Variants in EML4 observed in about 807,000 individuals in gnomAD.
EML4 encodes the protein echinoderm microtubule-associated protein-like 4.
EML4 carries 72 observed loss-of-function variants against 129.0 expected under a neutral mutation model. That is an observed-to-expected ratio of 0.56 (90% confidence interval 0.46 to 0.68). The LOEUF (loss-of-function observed/expected upper bound fraction) is 0.68. Among genes scored for constraint, EML4 ranks in the 30% least tolerant of loss-of-function variants. The pLI, the probability that EML4 is intolerant of heterozygous loss-of-function variation, is 0.00. For synonymous variants in EML4, 532 were observed against 405.0 expected, an observed-to-expected ratio of 1.31 and a Z score of -3.77; for missense variants, 1,363 against 1,190.6, an observed-to-expected ratio of 1.14 and a Z score of -2.13.
At chr2:42,324,616 C>T (rs1175242889) in intron 19 of EML4, among the ~76,000 whole-genome samples, 3 of 151,594 alleles carry the variant, frequency 2.0e-5, no homozygotes, top group Non-Finnish European at 4.4e-5. Context: ...GAGACCCTGT[C>T]TCAAAAAAAA....
chr2:42,207,110 T>C (rs561786414), intron 1 of EML4, among the ~76,000 whole-genome samples: 1 of 152,326 alleles, frequency 6.6e-6, no homozygotes, highest in South Asian at 2.1e-4. Context: ...TGTAGAAATA[T>C]GTCAGCGTGA....
intron 1 of EML4, among the ~76,000 whole-genome samples, chr2:42,219,290 T>G (rs1439991034): frequency 6.6e-6 from 1 of 152,178 alleles, no homozygotes; most frequent in Non-Finnish European, 1.5e-5. Context: ...AAATACAGTA[T>G]TCCAGGGATG....
intron 1 of EML4, among the ~76,000 whole-genome samples, chr2:42,219,082 T>C (rs1423412801): frequency 5.9e-5 from 9 of 152,228 alleles, no homozygotes; most frequent in African/African-American, 2.2e-4. Context: ...TACACACCAA[T>C]GACTCTTGGC....
chr2:42,225,974 A>T (rs1024486193), intron 1 of EML4, among the ~76,000 whole-genome samples: 6 of 152,150 alleles, frequency 3.9e-5, no homozygotes, highest in African/African-American at 1.4e-4. Flanking sequence ...ACATCTAAAA[A>T]TTTGTTTTAT....
intron 1 of EML4, among the ~76,000 whole-genome samples, chr2:42,204,186 C>T (rs1369415940): frequency 1.3e-5 from 2 of 152,162 alleles, no homozygotes; most frequent in Non-Finnish European, 2.9e-5. Flanking sequence ...TCCCAAAGTG[C>T]TGTAATTACA....
In EML4 at chr2:42,329,933, G is replaced by A. The variant is rs906593438; in HGVS notation, c.2672G>A (p.Ser891Asn). Residue 891 changes from serine (S) to asparagine (N), a missense_variant, in exon 23 of 23, where the codon AGT becomes AAT. By Grantham distance (46) the Ser-to-Asn change is conservative. Transcript: ENST00000318522. ...AAAGCCCCCGTCTCTTCCACTGAAAGTGTCATCCAATCTAATACTCCCACA... is the reference window on the plus strand; with the variant it reads ...AAAGCCCCCGTCTCTTCCACTGAAAATGTCATCCAATCTAATACTCCCACA... The part of the protein sequence containing the change: ...LTKAPVSSTE[S>N]VIQSNTPTPP... 10 of 1,614,024 alleles carry A rather than the reference G, an allele frequency of 6.2e-6. No homozygotes were observed. The South Asian group carries it at 9.9e-5, about 16-fold the overall frequency.
intron 1 of EML4, among the ~76,000 whole-genome samples, chr2:42,173,587 G>C (rs192174924): frequency 6.6e-6 from 1 of 152,132 alleles, no homozygotes; most frequent in Admixed American, 6.5e-5. Context: ...AGTGGCTCAC[G>C]CCTGTAGTCC....
chr2:42,188,375 C>T (rs1671386650), intron 1 of EML4, among the ~76,000 whole-genome samples: 1 of 152,172 alleles, frequency 6.6e-6, no homozygotes, highest in Middle Eastern at 3.4e-3. Context: ...TGCACACCAC[C>T]ATGCCTGGCT....
intron 6 of EML4, among the ~76,000 whole-genome samples, chr2:42,276,100 G>T (rs1666641224): frequency 6.6e-6 from 1 of 152,052 alleles, no homozygotes; most frequent in Admixed American, 6.6e-5. Flanking sequence ...GAGAAAAGAG[G>T]CTCCTCTTCA....
chr2:42,171,848 T>G (rs369435675), intron 1 of EML4, among the ~76,000 whole-genome samples: 1 of 152,202 alleles, frequency 6.6e-6, no homozygotes. Flanking sequence ...CCCATCTTAA[T>G]TGAAACCTTA....
At chr2:42,176,394 A>G (rs1250189792) in intron 1 of EML4, among the ~76,000 whole-genome samples, 2 of 152,168 alleles carry the variant, frequency 1.3e-5, no homozygotes, top group African/African-American at 4.8e-5. Flanking sequence ...CCATGCTTTG[A>G]TTGTGCTATT....
At chr2:42,289,849 T>G (rs1001251739) in intron 11 of EML4, 1 of 148,230 alleles carries the variant, frequency 6.7e-6, no homozygotes, top group African/African-American at 2.5e-5. Context: ...GGGTAGATCA[T>G]TAGATGTCAG....
intron 5 of EML4, among the ~76,000 whole-genome samples, chr2:42,263,842 G>T (rs2104393290): frequency 6.6e-6 from 1 of 152,158 alleles, no homozygotes; most frequent in Admixed American, 6.5e-5. Context: ...CGATTGTCCT[G>T]CCTTAGCCTC....
intron 1 of EML4, among the ~76,000 whole-genome samples, chr2:42,212,061 G>A (rs1286619272): frequency 6.6e-6 from 1 of 152,028 alleles, no homozygotes; most frequent in African/African-American, 2.4e-5. Flanking sequence ...GACCAGGCTG[G>A]TCTTGAGCTC....
chr2:42,234,102 CT>C, intron 1 of EML4, among the ~76,000 whole-genome samples: 1 of 152,238 alleles, frequency 6.6e-6, no homozygotes, highest in Non-Finnish European at 1.5e-5. Flanking sequence ...ATCCTGCCTG[CT>C]TTTGCCTGTG....
At chr2:42,265,642 GT>G (rs1247765616) in intron 6 of EML4, among the ~76,000 whole-genome samples, 3 of 151,132 alleles carry the variant, frequency 2.0e-5, no homozygotes, top group East Asian at 2.0e-4. Context: ...ACTAGAGGGA[GT>G]TTTCTCCCTT....
intron 6 of EML4, among the ~76,000 whole-genome samples, chr2:42,277,276 G>A (rs557547424): frequency 3.0e-4 from 45 of 152,278 alleles, no homozygotes; most frequent in African/African-American, 9.9e-4. Context: ...ATAACAAGTT[G>A]ACACTTAAAA....
Position 42,263,266 on chromosome 2 carries a change from A to G in EML4, c.601A>G (p.Thr201Ala). 3 of 1,613,304 alleles carry G rather than the reference A, an allele frequency of 1.9e-6. No homozygotes were observed. Among genetic ancestry groups the G allele is most frequent in the South Asian group, 1.1e-5 (1 of 90,778 alleles). The change falls in exon 5 of 23, where the codon ACA becomes GCA. Residue 201 changes from threonine (T) to alanine (A), a missense_variant. Coordinates refer to ENST00000318522, the MANE Select transcript of EML4 (RefSeq NM_019063.5). Reference protein sequence around the residue: ...SRNKLSKIPSTPKLIPKVTKT... With the variant: ...SRNKLSKIPSAPKLIPKVTKT... ...TAATAAATTGTCGAAAATACCTTCA[A>G]CACCCAAATTAATACCAAAAGTTAC...
chr2:42,223,318 C>G (rs1002823741), intron 1 of EML4, among the ~76,000 whole-genome samples: 1 of 152,030 alleles, frequency 6.6e-6, no homozygotes. Context: ...ACAAATGCAC[C>G]ACTACAAATG....
Sources: gnomAD v4.1 joint callset for allele counts (sites outside exome capture counted in the v4.1 genomes callset) on GRCh38, gnomAD v4.1.1 for gene constraint, MANE v1.5 for transcripts, NCBI Gene and HGNC (gene_info 2026-07-23, HGNC 2026-07-21) for gene names.